The following IL6ST variants were observed in gnomAD, a reference collection of about 807,000 sequenced individuals.
IL6ST encodes interleukin 6 cytokine family signal transducer.
IL6ST carries 24 observed loss-of-function variants against 91.3 expected under a neutral mutation model. The ratio of observed to expected loss-of-function variants is 0.26; its 90% CI spans 0.19 to 0.37. The LOEUF is 0.37. IL6ST is among the 10% of genes least tolerant of loss of function. The probability of loss-of-function intolerance (pLI) is 1.00; values close to 1 mark genes in which losing one functional copy is unlikely to be tolerated. For missense variants in IL6ST, 914 were observed against 1,078.5 expected (o/e 0.85, Z 2.14); for synonymous variants, 351 against 373.6 (o/e 0.94, Z 0.70).
At position 55,988,959 on chromosome 5, in the gene IL6ST, A is replaced by T. The variant is rs546407370; in HGVS notation, c.-104+5825T>A. Among the ~76,000 whole-genome samples, 10 of 150,872 alleles carry T rather than the reference A, an allele frequency of 6.6e-5. No individual in the cohort carries two copies. The East Asian group carries it at 1.7e-3, about 26-fold the overall frequency. Reference sequence around the variant, plus strand: ...AACCCCATCTCTATAAAAAATAAAAAAAAAATAAAAAAAAAAATCAGCCGG... The same window carrying T: ...AACCCCATCTCTATAAAAAATAAAATAAAAATAAAAAAAAAAATCAGCCGG... On this transcript the variant is annotated intron_variant, in intron 1 of 16. Coordinates refer to ENST00000381298, the MANE Select transcript of IL6ST (RefSeq NM_002184.4).
rs138291192 is a variant in IL6ST at position 55,973,116 on chromosome 5, A to G, written c.64+3099T>C. Among the ~76,000 whole-genome samples, 85 of 152,296 alleles carry G rather than the reference A, an allele frequency of 5.6e-4. 1 individual carries two copies. In the South Asian group the frequency reaches 0.013, roughly 23 times the overall value. On this transcript the variant is annotated intron_variant, in intron 3 of 16. Transcript: ENST00000381298. ...CTTTTATAGGTTCATACTCAAATTT[A>G]TATTTGATTACCCATATATAAAAAA...
chr5:55,974,256 C>T (rs1753139550), intron 3 of IL6ST, among the ~76,000 whole-genome samples: 1 of 152,082 alleles, frequency 6.6e-6, no homozygotes, highest in African/African-American at 2.4e-5. Context: ...AATAAATATG[C>T]AGTAACTATC....
At position 55,935,416 on chromosome 5, in the gene IL6ST, T is replaced by C. The variant is rs1291080158; in HGVS notation, c.*5666A>G. ...TTAGCGGTTGGGGAAAATAGCTATA[T>C]TTAAAAACAAATATTGAATTTTGAG... On this transcript the variant is annotated 3_prime_UTR_variant, in exon 17 of 17. Coordinates refer to ENST00000381298, the MANE Select transcript of IL6ST (RefSeq NM_002184.4). 2 of 204,854 alleles carry C rather than the reference T, an allele frequency of 9.8e-6. No homozygotes were observed. Among genetic ancestry groups the C allele is most frequent in the African/African-American group, 4.6e-5 (2 of 43,718 alleles). 12.7% of individuals were successfully genotyped at this position (204,854 alleles called of 1,614,324 possible).
chr5:55,983,873 T>C (rs964995389), intron 1 of IL6ST, among the ~76,000 whole-genome samples: 2 of 152,208 alleles, frequency 1.3e-5, no homozygotes, highest in Non-Finnish European at 2.9e-5. Context: ...TTATAACCTT[T>C]TTCACTTAAC....
intron 1 of IL6ST, chr5:55,994,200 A>C (rs1754506474): frequency 6.6e-6 from 1 of 151,326 alleles, no homozygotes; most frequent in Non-Finnish European, 1.5e-5. Context: ...AGGTCGGAGG[A>C]GGTAAAATTT....
Position 55,939,826 on chromosome 5 carries a change from G to A in IL6ST, c.*1256C>T, listed in dbSNP as rs561250709. The A allele has an allele frequency of 1.5e-5, 3 of 203,278 alleles. No individual in the cohort carries two copies. Among genetic ancestry groups the A allele is most frequent in the African/African-American group, 6.9e-5 (3 of 43,704 alleles). The allele number at this position is 203,278 out of a possible 1,614,324, so 12.6% of individuals were successfully genotyped here. ...TTCCTAAATCACAATGTAGAACTAA[G>A]TTCCACCCTACCTCAGAACTGCAGA... On this transcript the variant is annotated 3_prime_UTR_variant, in exon 17 of 17. Transcript: ENST00000381298.
chr5:55,990,830 G>A (rs900155513), intron 1 of IL6ST, among the ~76,000 whole-genome samples: 1 of 151,996 alleles, frequency 6.6e-6, no homozygotes. Flanking sequence ...ATGTTGGTGT[G>A]CTGCACCCGT....
intron 5 of IL6ST, among the ~76,000 whole-genome samples, chr5:55,967,589 T>C (rs1029429372): frequency 1.3e-5 from 2 of 151,878 alleles, no homozygotes; most frequent in Admixed American, 6.6e-5. Context: ...AACAGTGGTA[T>C]GTTGTTATGC....
At chr5:55,993,127 G>A (rs1458232750) in intron 1 of IL6ST, among the ~76,000 whole-genome samples, 2 of 152,320 alleles carry the variant, frequency 1.3e-5, no homozygotes, top group East Asian at 3.9e-4. Flanking sequence ...ATTAGGGCCA[G>A]AGAATTCTGA....
In IL6ST at chr5:55,955,492, C is replaced by T. The variant is rs193063529; in HGVS notation, c.1268-500G>A. Among the ~76,000 whole-genome samples the T allele has an allele frequency of 8.0e-4, 122 of 152,236 alleles. 1 individual carries two copies. In the East Asian group the frequency reaches 0.013, roughly 16 times the overall value. ...TTTCCCTAAATTCTTCAAATGCTTT[C>T]GGTTTGTAATTGCAATTTTTCTTCT... On this transcript the variant is annotated intron_variant, in intron 10 of 16. Transcript: ENST00000381298.
chr5:55,968,507 C>A, intron 4 of IL6ST, 111 bp from the exon 5 acceptor site: 4 of 994,838 alleles, frequency 4.0e-6, no homozygotes, highest in Admixed American at 5.1e-5. Flanking sequence ...AAAATCAAAC[C>A]CAAGCAAAAA....
intron 15 of IL6ST, among the ~76,000 whole-genome samples, chr5:55,942,985 C>G (rs1199850277): frequency 6.6e-6 from 1 of 152,088 alleles, no homozygotes; most frequent in Non-Finnish European, 1.5e-5. Context: ...AAAGCTAAAT[C>G]TAATCAGTGT....
chr5:55,980,559 A>C (rs1753597841), intron 2 of IL6ST, among the ~76,000 whole-genome samples: 1 of 152,208 alleles, frequency 6.6e-6, no homozygotes, highest in African/African-American at 2.4e-5. Flanking sequence ...CAAAAAATAA[A>C]TAAAATAAAT....
chr5:55,953,183 A>G (rs1005140810), intron 11 of IL6ST, among the ~76,000 whole-genome samples: 2 of 152,350 alleles, frequency 1.3e-5, no homozygotes, highest in Admixed American at 1.3e-4. Flanking sequence ...ATTGAAATTT[A>G]TACCTTCAAT....
chr5:55,948,136 C>T (rs1264410986), intron 14 of IL6ST, among the ~76,000 whole-genome samples: 1 of 152,134 alleles, frequency 6.6e-6, no homozygotes. Flanking sequence ...TGGTACAGGG[C>T]TAAGAACTTT....
chr5:55,956,176 T>C lies in IL6ST; in HGVS notation c.1116A>G (p.Arg372=), dbSNP rs1751956264. 1.2e-6 allele frequency: 2 copies of C among 1,612,734 alleles called. No homozygotes were observed. The highest frequency in any genetic ancestry group is 1.3e-5 in the African/African-American group (1 of 74,914). The stretch of plus-strand genomic sequence containing the variant: ...TGTAATTTTGTAAATGTGATTTCCA[T>C]CTTGTGAGAGTCACTTCATAATCCA... ...KILDYEVTLT[R]WKSHLQNYTV... The change falls in exon 10 of 17, where the codon AGA becomes AGG. Residue 372 remains arginine, a synonymous_variant. Transcript: ENST00000381298.
rs538393677 is a variant in IL6ST at position 55,938,588 on chromosome 5, A to T, written c.*2494T>A. 1.5e-5 allele frequency: 3 copies of T among 197,232 alleles called. No individual in the cohort carries two copies. In the East Asian group the frequency reaches 2.4e-4, roughly 16 times the overall value. 12.2% of individuals were successfully genotyped at this position (197,232 alleles called of 1,614,324 possible). Reference sequence around the variant, plus strand: ...CTGATGTGCTATTACTTTAAACACCACTTTTGGACACTAAAGATTTAAAGT... The same window carrying T: ...CTGATGTGCTATTACTTTAAACACCTCTTTTGGACACTAAAGATTTAAAGT... On this transcript the variant is annotated 3_prime_UTR_variant, in exon 17 of 17. Coordinates refer to ENST00000381298, the MANE Select transcript of IL6ST (RefSeq NM_002184.4).
At position 55,956,079 on chromosome 5, in the gene IL6ST, G is replaced by C. The variant is rs781572746; in HGVS notation, c.1213C>G (p.Leu405Val). ...ACAGCTGCATCTGATTTGCCAACAA[G>C]ATTTCTTACTGTTAGGGTTGCTAGA... ...RYLATLTVRN[L>V]VGKSDAAVLT... is the part of the protein sequence containing the mutation. The change falls in exon 10 of 17, where the codon CTT (leucine) becomes GTT (valine). Residue 405 changes from leucine (L) to valine (V), a missense_variant. Physicochemically the swap from Leu to Val is conservative, Grantham distance 32. Transcript: ENST00000381298. The C allele has an allele frequency of 1.9e-6, 3 of 1,613,632 alleles. No homozygotes were observed. Among genetic ancestry groups the C allele is most frequent in the Non-Finnish European group, 2.5e-6 (3 of 1,179,742 alleles).
intron 11 of IL6ST, among the ~76,000 whole-genome samples, chr5:55,952,938 G>A (rs908427375): frequency 2.6e-5 from 4 of 152,092 alleles, no homozygotes; most frequent in African/African-American, 7.2e-5. Flanking sequence ...GTGGGCACCT[G>A]TAGTCCCAGA....
Sources: gnomAD v4.1 joint callset for allele counts (sites outside exome capture counted in the v4.1 genomes callset) on GRCh38, gnomAD v4.1.1 for gene constraint, MANE v1.5 for transcripts, NCBI Gene and HGNC (gene_info 2026-07-23, HGNC 2026-07-21) for gene names.